The following DIPK1B variants were observed in gnomAD, a reference collection of about 807,000 sequenced individuals.
DIPK1B encodes family with sequence similarity 69 member B.
In DIPK1B, 17 loss-of-function variants were observed where a neutral mutation model predicts 20.7. The ratio of observed to expected loss-of-function variants is 0.82; its 90% CI spans 0.56 to 1.23. The LOEUF (loss-of-function observed/expected upper bound fraction) is 1.23. Ranked by LOEUF, DIPK1B falls within the 50% of genes most tolerant of loss-of-function variation. The pLI is 0.00. For missense variants in DIPK1B, 648 were observed against 601.8 expected (o/e 1.08, Z -0.80); for synonymous variants, 343 against 276.5 (o/e 1.24, Z -2.39).
rs376786725 is a variant in DIPK1B, at chr9:136,722,092, G to A, written c.307-33G>A. 5.6e-6 allele frequency: 9 copies of A among 1,613,536 alleles called. No individual in the cohort carries two copies. In the African/African-American group the frequency reaches 9.3e-5, roughly 17 times the overall value. ...ACTGCCCGTGCAGTGGGAGGGGGAT[G>A]TCTGCACGGAGGACCTCTGTGGCCC... On this transcript the variant is annotated intron_variant, in intron 3 of 4. Transcript: ENST00000371692.
chr9:136,722,345 G>A (rs775314600), intron 4 of DIPK1B, 44 bp downstream of exon 4: 24 of 1,581,558 alleles, frequency 1.5e-5, no homozygotes, highest in Middle Eastern at 1.7e-4. Context: ...TCCACACCAC[G>A]GTCATATGCC....
chr9:136,712,783 C>A lies in DIPK1B; in HGVS notation c.63+55C>A. On this transcript the variant is annotated intron_variant, in intron 1 of 4. Coordinates refer to ENST00000371692, the MANE Select transcript of DIPK1B (RefSeq NM_152421.4). This position sits in a 1 kb window ranked among gnomAD's most constrained non-coding sequence, Gnocchi z 5.6. ...GCCGCCTCTGCCTGGGGAGGCCGAG[C>A]TCCAGCCCCGGAGTGGGCCGAGTAC... The A allele has an allele frequency of 8.1e-7, 1 of 1,238,654 alleles. No homozygotes were observed. The highest frequency in any genetic ancestry group is 1.0e-6 in the Non-Finnish European group (1 of 977,014). 76.7% of individuals were successfully genotyped at this position (1,238,654 alleles called of 1,614,324 possible).
In DIPK1B at chr9:136,720,439, A is replaced by G. The variant is rs1047614183; in HGVS notation, c.199-1482A>G. On this transcript the variant is annotated intron_variant, in intron 2 of 4. Transcript: ENST00000371692. ...CTCCAAGCCTGCTTGGCCAGGCTCC[A>G]TGGCAACTGAGGCTGTACATCCAGG... 3.3e-5 allele frequency among the ~76,000 whole-genome samples: 5 copies of G among 152,086 alleles called. 1 individual carries two copies. The highest frequency in any genetic ancestry group is 1.2e-4 in the African/African-American group (5 of 41,442).
rs1846658525 is a variant in DIPK1B at position 136,723,708 on chromosome 9, C to T, written c.1230C>T (p.His410=). 6.5e-7 allele frequency: 1 copy of T among 1,537,544 alleles called. No individual in the cohort carries two copies. Among genetic ancestry groups the T allele is most frequent in the Non-Finnish European group, 8.7e-7 (1 of 1,147,054 alleles). ...SGLASQVEAH[H]SLVLSHLKTL... is the part of the protein sequence containing the mutation. ...TGGCCAGCCAGGTGGAGGCCCATCA[C>T]TCGCTGGTGCTCAGCCACCTCAAGA... The change falls in exon 5 of 5, where the codon CAC becomes CAT. Residue 410 remains histidine (H), a synonymous_variant. Transcript: ENST00000371692.
At position 136,722,145 on chromosome 9, in the gene DIPK1B, G is replaced by A; in HGVS notation, c.327G>A (p.Arg109=). Reference sequence around the variant, plus strand: ...TCCAGGTGTACAGCGGGCTCTGGCGGGACAAGGATGTAACCATCAAGTGTG... The same window carrying A: ...TCCAGGTGTACAGCGGGCTCTGGCGAGACAAGGATGTAACCATCAAGTGTG... The part of the protein sequence containing the change: ...PGQQVYSGLW[R]DKDVTIKCGI... Residue 109 remains arginine (R), a synonymous_variant, in exon 4 of 5, where the codon CGG becomes CGA. Coordinates refer to ENST00000371692, the MANE Select transcript of DIPK1B (RefSeq NM_152421.4). 2 of 1,614,034 alleles carry A rather than the reference G, an allele frequency of 1.2e-6. No homozygotes were observed. Among genetic ancestry groups the A allele is most frequent in the Non-Finnish European group, 1.7e-6 (2 of 1,179,978 alleles).
chr9:136,714,889 G>A lies in DIPK1B; in HGVS notation c.63+2161G>A, dbSNP rs1329239014. On this transcript the variant is annotated intron_variant, in intron 1 of 4. Transcript: ENST00000371692. ...GATGCCGGGGAAGCAGGAGACCAGG[G>A]CCCACCCATCCTGAAAGAACCAGAA... is the stretch of plus-strand genomic sequence containing the variant. Among the ~76,000 whole-genome samples, 6 of 152,234 alleles carry A rather than the reference G, an allele frequency of 3.9e-5. No homozygotes were observed. The East Asian group carries it at 1.2e-3, about 29-fold the overall frequency.
At position 136,724,465 on chromosome 9, in the gene DIPK1B, A is replaced by C. The variant is rs1846672027; in HGVS notation, c.*691A>C. 6.6e-6 allele frequency among the ~76,000 whole-genome samples: 1 copy of C among 152,222 alleles called. No homozygotes were observed. The highest frequency in any genetic ancestry group is 6.5e-5 in the Admixed American group (1 of 15,290). ...TTCTCCAGCCCCGTACGCTCTCCCC[A>C]GTAGCCCAGGGCACCCAGCAACCAT... On this transcript the variant is annotated 3_prime_UTR_variant, in exon 5 of 5. Coordinates refer to ENST00000371692, the MANE Select transcript of DIPK1B (RefSeq NM_152421.4).
rs201627268 is a variant in DIPK1B at position 136,721,901 on chromosome 9, G to A, written c.199-20G>A. The A allele has an allele frequency of 4.0e-5, 65 of 1,609,974 alleles. No homozygotes were observed. The highest frequency in any genetic ancestry group is 6.7e-5 in the African/African-American group (5 of 74,964). On this transcript the variant is annotated intron_variant, in intron 2 of 4. Coordinates refer to ENST00000371692, the MANE Select transcript of DIPK1B (RefSeq NM_152421.4). The stretch of plus-strand genomic sequence containing the variant: ...GGGGTGTGGCTGCCCCGCCCGGCAC[G>A]CCTGCACCTGTCTCCTCAGTGTGAC...
intron 1 of DIPK1B, among the ~76,000 whole-genome samples, chr9:136,715,517 C>CTTTT (rs113806770): frequency 1.4e-5 from 2 of 144,292 alleles, no homozygotes; most frequent in South Asian, 2.2e-4. Flanking sequence ...TGCCTGCTTA[C>CTTTT]TTTTTTTTTT....
chr9:136,723,164 A>G lies in DIPK1B; in HGVS notation c.686A>G (p.Tyr229Cys), dbSNP rs777048334. Residue 229 changes from tyrosine to cysteine, a missense_variant, in exon 5 of 5, where the codon TAC becomes TGC. Tyr to Cys is a radical substitution (Grantham distance 194). Coordinates refer to ENST00000371692, the MANE Select transcript of DIPK1B (RefSeq NM_152421.4). ...CTGCTGGGCTACTGTGGGGACCTCT[A>G]CCTCACCGAGGGCGTGCCGCATGGC... ...SRLLGYCGDL[Y>C]LTEGVPHGAW... 24 of 1,613,014 alleles carry G rather than the reference A, an allele frequency of 1.5e-5. No individual in the cohort carries two copies. Among genetic ancestry groups the G allele is most frequent in the Non-Finnish European group, 1.9e-5 (22 of 1,179,904 alleles).
rs1846613560 is a variant in DIPK1B, at chr9:136,722,114, G to A, written c.307-11G>A. Reference sequence around the variant, plus strand: ...GATGTCTGCACGGAGGACCTCTGTGGCCCTGTCCAGGTGTACAGCGGGCTC... The same window carrying A: ...GATGTCTGCACGGAGGACCTCTGTGACCCTGTCCAGGTGTACAGCGGGCTC... On this transcript the variant is annotated splice_polypyrimidine_tract_variant and intron_variant, in intron 3 of 4. Transcript: ENST00000371692. 1 of 1,613,724 alleles carries A rather than the reference G, an allele frequency of 6.2e-7. No individual in the cohort carries two copies. Among genetic ancestry groups the A allele is most frequent in the South Asian group, 1.1e-5 (1 of 91,078 alleles).
rs1475385577 is a variant in DIPK1B at position 136,712,602 on chromosome 9, G to A, written c.-64G>A. The A allele has an allele frequency of 3.8e-6, 3 of 792,744 alleles. No individual in the cohort carries two copies. Among genetic ancestry groups the A allele is most frequent in the East Asian group, 1.2e-4 (1 of 8,028 alleles). The allele number at this position is 792,744 out of a possible 1,614,324, so 49.1% of individuals were successfully genotyped here. On this transcript the variant is annotated 5_prime_UTR_variant, in exon 1 of 5. Coordinates refer to ENST00000371692, the MANE Select transcript of DIPK1B (RefSeq NM_152421.4). This position sits in a 1 kb window ranked among gnomAD's most constrained non-coding sequence, Gnocchi z 5.6. ...GAGGGAGCGGCGGCCGCTGCGGGCC[G>A]GGCCGGGCCGGGGCTGAGGCCGAGC...
Position 136,724,069 on chromosome 9 carries a change from G to A in DIPK1B, c.*295G>A, listed in dbSNP as rs1309788124. 2.4e-5 allele frequency: 10 copies of A among 409,700 alleles called. No individual in the cohort carries two copies. The highest frequency in any genetic ancestry group is 1.4e-4 in the South Asian group (6 of 43,980). The allele number at this position is 409,700 out of a possible 1,614,324, so 25.4% of individuals were successfully genotyped here. On this transcript the variant is annotated 3_prime_UTR_variant, in exon 5 of 5. Transcript: ENST00000371692. ...GGGCTGAGCACCCTGAGCCCCCATC[G>A]ATGCTGTGTGTGGGACCCTTCGCCC...
rs779310337 is a variant in DIPK1B, at chr9:136,717,565, C to T, written c.64-12C>T. 4.4e-6 allele frequency: 7 copies of T among 1,597,016 alleles called. No homozygotes were observed. Among genetic ancestry groups the T allele is most frequent in the African/African-American group, 4.0e-5 (3 of 74,896 alleles). ...CCGAGGGCACCTCCTCACGCAGCCC[C>T]TTCCCCCACAGGGCCGGCTCCCAGG... is the stretch of plus-strand genomic sequence containing the variant. On this transcript the variant is annotated splice_polypyrimidine_tract_variant and intron_variant, in intron 1 of 4. Transcript: ENST00000371692.
chr9:136,718,743 T>C (rs1351807634), intron 2 of DIPK1B, among the ~76,000 whole-genome samples: 1 of 152,144 alleles, frequency 6.6e-6, no homozygotes, highest in Non-Finnish European at 1.5e-5. Context: ...CTCCGTCAGA[T>C]GGGGAGAGCA....
At chr9:136,722,054 G>A (rs777899790) in intron 3 of DIPK1B, 26 bp downstream of exon 3, 38 of 1,613,144 alleles carry the variant, frequency 2.4e-5, no homozygotes, top group Middle Eastern at 1.7e-4. Flanking sequence ...GGGCGGGTGG[G>A]CCTGGGGCTG....
At chr9:136,722,369 T>C in intron 4 of DIPK1B, 68 bp downstream of exon 4, 1 of 1,524,266 alleles carries the variant, frequency 6.6e-7, no homozygotes, top group Non-Finnish European at 8.9e-7. Context: ...CAGGCGGCCC[T>C]GGCACCAACA....
rs1422406918 is a variant in DIPK1B, at chr9:136,723,389, G to A, written c.911G>A (p.Gly304Asp). 11 of 1,613,234 alleles carry A rather than the reference G, an allele frequency of 6.8e-6. No individual in the cohort carries two copies. The highest frequency in any genetic ancestry group is 8.5e-6 in the Non-Finnish European group (10 of 1,179,792). ...TGTGAGACCACACTGGCCAACGTGG[G>A]CTACACAGCCACCTACGACTTCAAG... ...YMCETTLANV[G>D]YTATYDFKMA... The change falls in exon 5 of 5, where the codon GGC becomes GAC. Residue 304 changes from glycine (G) to aspartate (D), a missense_variant. Transcript: ENST00000371692.
intron 1 of DIPK1B, among the ~76,000 whole-genome samples, chr9:136,713,228 GC>G (rs199962911): frequency 0.013 from 1,940 of 152,172 alleles, 11 homozygotes; most frequent in Non-Finnish European, 0.02. Flanking sequence ...CGCAGGGGAG[GC>G]CCGGGCCGCC....
Sources: allele counts gnomAD v4.1 joint callset (sites outside exome capture counted in the v4.1 genomes callset), GRCh38; gene constraint gnomAD v4.1.1; non-coding constraint Gnocchi (gnomAD v3.1); transcripts MANE v1.5; gene names NCBI Gene and HGNC (gene_info 2026-07-23, HGNC 2026-07-21).